Variants in NXPE2 observed in about 807,000 individuals in gnomAD.
NXPE2 encodes neurexophilin and PC-esterase domain family member 2, also known as NXPE family member 2.
Under a neutral mutation model 34.4 loss-of-function variants are expected in NXPE2, and 34 were observed. That is an observed-to-expected ratio of 0.99 (90% CI 0.75 to 1.31). NXPE2 has a LOEUF of 1.31. NXPE2 is among the 40% of genes most tolerant of loss of function. The pLI is 0.00. For synonymous variants in NXPE2, 235 were observed against 231.3 expected (o/e 1.02, Z -0.15); for missense variants, 649 against 672.5 (o/e 0.97, Z 0.39).
the NXPE2 span, among the ~76,000 whole-genome samples, chr11:114,628,884 C>T: frequency 6.6e-6 from 1 of 151,880 alleles, no homozygotes; most frequent in Non-Finnish European, 1.5e-5. Context: ...TCAGAGAATG[C>T]TACAAACACC....
chr11:114,683,727 A>T (rs772346522), intron 2 of NXPE2, among the ~76,000 whole-genome samples: 25 of 152,206 alleles, frequency 1.6e-4, no homozygotes, highest in Non-Finnish European at 2.8e-4. Context: ...AAGTGCCTAG[A>T]ACAGTCTCTG....
At chr11:114,467,388 A>G in the NXPE2 span, among the ~76,000 whole-genome samples, 5 of 152,138 alleles carry the variant, frequency 3.3e-5, no homozygotes, top group African/African-American at 7.2e-5. Flanking sequence ...TTGGGAAGAA[A>G]AGGTCCGTTT....
At chr11:114,619,254 GA>G in the NXPE2 span, among the ~76,000 whole-genome samples, 1 of 152,060 alleles carries the variant, frequency 6.6e-6, no homozygotes, top group African/African-American at 2.4e-5. Context: ...AATGCCTCTT[GA>G]GTAATCAATG....
the NXPE2 span, among the ~76,000 whole-genome samples, chr11:114,601,477 T>G: frequency 1.7e-5 from 2 of 119,972 alleles, no homozygotes; most frequent in African/African-American, 6.3e-5. Flanking sequence ...AAAATTTATA[T>G]AAATTAAATA....
At chr11:114,728,319 C>A in the NXPE2 span, among the ~76,000 whole-genome samples, 3 of 152,050 alleles carry the variant, frequency 2.0e-5, no homozygotes, top group Non-Finnish European at 4.4e-5. Flanking sequence ...AGGGCATAGA[C>A]ATCTTTGGAG....
the NXPE2 span, among the ~76,000 whole-genome samples, chr11:114,773,288 C>CCCCCCCCCCG: frequency 1.4e-4 from 13 of 95,900 alleles, no homozygotes; most frequent in South Asian, 5.1e-4. Context: ...CACCCCCCCC[C>CCCCCCCCCCG]CACCCCATTC....
chr11:114,633,365 T>C, the NXPE2 span, among the ~76,000 whole-genome samples: 7 of 140,550 alleles, frequency 5.0e-5, no homozygotes, highest in Middle Eastern at 3.7e-3. Context: ...ATATATACTA[T>C]ATAATATATT....
chr11:114,810,429 TG>T, the NXPE2 span, among the ~76,000 whole-genome samples: 5 of 93,164 alleles, frequency 5.4e-5, no homozygotes, highest in African/African-American at 1.1e-4. Flanking sequence ...AGAAAATCTT[TG>T]CAACCTACTC....
chr11:114,775,562 A>C, the NXPE2 span, among the ~76,000 whole-genome samples: 1 of 152,208 alleles, frequency 6.6e-6, no homozygotes, highest in Non-Finnish European at 1.5e-5. Flanking sequence ...AGTTCTTGAG[A>C]AAAAGGATAT....
At chr11:114,687,385 C>T (rs572334332) in intron 2 of NXPE2, among the ~76,000 whole-genome samples, 1 of 151,948 alleles carries the variant, frequency 6.6e-6, no homozygotes, top group Non-Finnish European at 1.5e-5. Context: ...TTCCCCAGTG[C>T]TTATTTTTGT....
chr11:114,551,636 A>G, the NXPE2 span, among the ~76,000 whole-genome samples: 2 of 152,234 alleles, frequency 1.3e-5, no homozygotes, highest in African/African-American at 4.8e-5. Context: ...AAATGCCTTT[A>G]AAGAAAGCCA....
the NXPE2 span, among the ~76,000 whole-genome samples, chr11:114,740,553 A>G: frequency 6.6e-6 from 1 of 152,114 alleles, no homozygotes; most frequent in Non-Finnish European, 1.5e-5. Context: ...CTTTTTTTAA[A>G]AAAAATGACT....
chr11:114,581,610 G>T, the NXPE2 span: 3 of 811,358 alleles, frequency 3.7e-6, no homozygotes, highest in Non-Finnish European at 6.0e-6. Flanking sequence ...CCTTAGATAA[G>T]CCAGATGAAC....
the NXPE2 span, among the ~76,000 whole-genome samples, chr11:114,745,968 CAT>C: frequency 6.6e-6 from 1 of 151,864 alleles, no homozygotes; most frequent in African/African-American, 2.4e-5. Context: ...TTGTAATACT[CAT>C]ATTTAAATAT....
chr11:114,586,360 C>T, the NXPE2 span, among the ~76,000 whole-genome samples: 37 of 152,242 alleles, frequency 2.4e-4, no homozygotes, highest in South Asian at 1.9e-3. Context: ...ACCTGGGATC[C>T]GAGGAAGATT....
At chr11:114,670,447 C>A in the NXPE2 span, among the ~76,000 whole-genome samples, 1 of 152,012 alleles carries the variant, frequency 6.6e-6, no homozygotes. Context: ...GTAATCCCAG[C>A]ACTGAAGTGG....
chr11:114,775,891 A>AAC, the NXPE2 span, among the ~76,000 whole-genome samples: 5 of 144,638 alleles, frequency 3.5e-5, no homozygotes, highest in South Asian at 2.3e-4. Context: ...AAAAAAAAAA[A>AAC]CAAAAAAACC....
At chr11:114,606,173 C>T in the NXPE2 span, among the ~76,000 whole-genome samples, 3 of 151,774 alleles carry the variant, frequency 2.0e-5, no homozygotes, top group African/African-American at 7.3e-5. Flanking sequence ...ATAAGTATTG[C>T]CTTGTGGGTA....
At position 114,698,060 on chromosome 11, in the gene NXPE2, G is replaced by T; in HGVS notation, c.148G>T (p.Glu50Ter). ...AATATTTCAGTTCTCGTTCAACTTG[G>T]AAAACCATATTATCCTGAACCAAGG... ...KDHTKFSFNL[E>*]NHIILNQGNI... The change falls in exon 3 of 6, where the codon GAA becomes TAA. Residue 50 changes from glutamate to a stop codon, truncating the protein, a stop_gained. Transcript: ENST00000389586. LOFTEE classifies it high-confidence loss of function. 1 of 1,513,948 alleles carries T rather than the reference G, an allele frequency of 6.6e-7. No individual in the cohort carries two copies. The allele number at this position is 1,513,948 out of a possible 1,614,324, so 93.8% of individuals were successfully genotyped here. A position where few individuals can be genotyped will look rare whatever the true frequency, so the allele number is the denominator to read the frequency against.
Sources: allele counts gnomAD v4.1 joint callset (sites outside exome capture counted in the v4.1 genomes callset), GRCh38; gene constraint gnomAD v4.1.1; transcripts MANE v1.5; gene names NCBI Gene and HGNC (gene_info 2026-07-23, HGNC 2026-07-21).